CDHR3: variants seen among roughly 807,000 people sequenced by gnomAD.
CDHR3 encodes cadherin related family member 3.
A neutral mutation model predicts 86.6 loss-of-function variants in CDHR3; 79 were observed. That is an observed-to-expected ratio of 0.91 (90% CI 0.76 to 1.10). The LOEUF is 1.10. Ranked by LOEUF, CDHR3 falls within the 50% of genes least tolerant of loss-of-function variation. CDHR3 has a pLI of 0.00. For synonymous variants in CDHR3, 421 were observed against 402.4 expected (o/e 1.05, Z -0.55); for missense variants, 1,081 against 1,077.6 (o/e 1.00, Z -0.04).
At chr7:105,963,427 TGA>T (rs1826343551) in intron 1 of CDHR3, 63 bp downstream of exon 1, 1 of 1,529,460 alleles carries the variant, frequency 6.5e-7, no homozygotes, top group Admixed American at 1.7e-5. Context: ...TACCATTGAA[TGA>T]CAATGTCCCC....
intron 1 of CDHR3, among the ~76,000 whole-genome samples, chr7:105,970,588 G>C (rs3051): frequency 0.27 from 40,313 of 152,058 alleles, 5,969 homozygotes; most frequent in East Asian, 0.67. Context: ...GAAAGTATGC[G>C]GTGTTTTAGG....
rs1838654724 is a variant in CDHR3, at chr7:106,033,459, A to G, written c.*762A>G. 6.6e-6 allele frequency: 1 copy of G among 152,236 alleles called. No individual in the cohort carries two copies. The highest frequency in any genetic ancestry group is 2.4e-5 in the African/African-American group (1 of 41,452). 9.4% of individuals were successfully genotyped at this position (152,236 alleles called of 1,614,324 possible). On this transcript the variant is annotated 3_prime_UTR_variant, in exon 19 of 19. Coordinates refer to ENST00000317716, the MANE Select transcript of CDHR3 (RefSeq NM_152750.5). ...TAAAAAATATACTTAAAAGTGAACT[A>G]CAGGCAGGGCATGATGGCTCATGCC...
intron 15 of CDHR3, 29 bp downstream of exon 15, chr7:106,024,591 C>A: frequency 6.2e-7 from 1 of 1,604,532 alleles, no homozygotes; most frequent in Non-Finnish European, 8.5e-7. Context: ...GGGCCCTCTT[C>A]CCCACCTCCT....
chr7:106,007,760 C>T (rs554156915), intron 8 of CDHR3, among the ~76,000 whole-genome samples: 1 of 152,336 alleles, frequency 6.6e-6, no homozygotes, highest in East Asian at 1.9e-4. Flanking sequence ...TTTAAGCCCA[C>T]CAAACTGTTC....
intron 1 of CDHR3, among the ~76,000 whole-genome samples, chr7:105,966,952 CT>C (rs77398486): frequency 0.18 from 26,330 of 150,020 alleles, 2,427 homozygotes; most frequent in East Asian, 0.28. Flanking sequence ...ACCACAATTA[CT>C]TTTTTTTTTT....
chr7:105,986,588 C>T (rs1216082606), intron 4 of CDHR3, among the ~76,000 whole-genome samples: 1 of 152,116 alleles, frequency 6.6e-6, no homozygotes, highest in African/African-American at 2.4e-5. Flanking sequence ...CCCAAAGACC[C>T]CCAGGGAAAA....
chr7:105,969,963 AAGGTC>A (rs1332821730), intron 1 of CDHR3, among the ~76,000 whole-genome samples: 1 of 152,106 alleles, frequency 6.6e-6, no homozygotes, highest in Non-Finnish European at 1.5e-5. Flanking sequence ...GGACCAGCCT[AAGGTC>A]ACACAGTCAA....
At chr7:106,016,512 G>C (rs1324141768) in intron 11 of CDHR3, among the ~76,000 whole-genome samples, 2 of 151,812 alleles carry the variant, frequency 1.3e-5, no homozygotes, top group Admixed American at 6.6e-5. Flanking sequence ...CTTTTTGCAG[G>C]CTCCTCCCCC....
intron 8 of CDHR3, among the ~76,000 whole-genome samples, chr7:106,008,017 A>G (rs965276362): frequency 3.9e-5 from 6 of 152,230 alleles, no homozygotes; most frequent in African/African-American, 1.4e-4. Context: ...CGTGGATGGC[A>G]GCAGGCAAAG....
chr7:106,021,427 C>T lies in CDHR3; in HGVS notation c.1826-771C>T, dbSNP rs527840242. 2.0e-5 allele frequency among the ~76,000 whole-genome samples: 3 copies of T among 152,268 alleles called. No individual in the cohort carries two copies. In the South Asian group the frequency reaches 6.2e-4, roughly 32 times the overall value. The stretch of plus-strand genomic sequence containing the variant: ...AGATGGAAACAATCCATACTGAGAG[C>T]CCTAAGGCCTTTATGGAGCATTTTG... On this transcript the variant is annotated intron_variant, in intron 13 of 18. Coordinates refer to ENST00000317716, the MANE Select transcript of CDHR3 (RefSeq NM_152750.5).
chr7:106,032,762 G>T lies in CDHR3; in HGVS notation c.*65G>T. 1 of 1,495,334 alleles carries T rather than the reference G, an allele frequency of 6.7e-7. No individual in the cohort carries two copies. The highest frequency in any genetic ancestry group is 9.0e-7 in the Non-Finnish European group (1 of 1,109,368). 92.6% of individuals were successfully genotyped at this position (1,495,334 alleles called of 1,614,324 possible). On this transcript the variant is annotated 3_prime_UTR_variant, in exon 19 of 19. Transcript: ENST00000317716. ...GCCTCACCCTAAATTCTATGGGGAT[G>T]GTGTGGGCATGGTGTAGGGGGGAAA...
intron 2 of CDHR3, among the ~76,000 whole-genome samples, chr7:105,976,942 T>C (rs1828907689): frequency 6.6e-6 from 1 of 152,122 alleles, no homozygotes; most frequent in Admixed American, 6.5e-5. Flanking sequence ...TTCCTTTGAA[T>C]TTGCATAGAG....
At chr7:105,965,325 T>G (rs1452093884) in intron 1 of CDHR3, among the ~76,000 whole-genome samples, 1 of 151,922 alleles carries the variant, frequency 6.6e-6, no homozygotes. Context: ...CAGTAAAAAA[T>G]TAGCAGAGCA....
At chr7:106,028,237 C>A (rs73195673) in intron 16 of CDHR3, among the ~76,000 whole-genome samples, 6,179 of 151,888 alleles carry the variant, frequency 0.041, 174 homozygotes, top group South Asian at 0.13. Context: ...TATCCAATCC[C>A]ATCTTTCTTT....
chr7:106,020,695 C>T (rs1005031698), intron 13 of CDHR3, 151 bp downstream of exon 13: 2 of 409,238 alleles, frequency 4.9e-6, no homozygotes, highest in African/African-American at 4.3e-5. Flanking sequence ...TGCTATGCTG[C>T]CTAGGCTAGT....
intron 16 of CDHR3, chr7:106,027,716 T>A (rs1837582978): frequency 2.2e-6 from 1 of 445,204 alleles, no homozygotes. Context: ...TCTGACATGC[T>A]TAAGGCATGT....
At chr7:105,997,183 T>G (rs902908050) in intron 6 of CDHR3, among the ~76,000 whole-genome samples, 2 of 152,158 alleles carry the variant, frequency 1.3e-5, no homozygotes, top group Admixed American at 6.5e-5. Flanking sequence ...CCATTAGGCC[T>G]CAGAGCTGGG....
At chr7:106,009,369 C>A (rs997069940) in intron 8 of CDHR3, among the ~76,000 whole-genome samples, 1 of 152,188 alleles carries the variant, frequency 6.6e-6, no homozygotes, top group Non-Finnish European at 1.5e-5. Flanking sequence ...GGCTGAGAAG[C>A]CCTGACCTGC....
chr7:106,020,627 T>C, intron 13 of CDHR3, 83 bp downstream of exon 13: 1 of 1,457,308 alleles, frequency 6.9e-7, no homozygotes, highest in Non-Finnish European at 9.3e-7. Flanking sequence ...GCTCACACAC[T>C]GATCTGGGCA....
Sources: allele counts gnomAD v4.1 joint callset (sites outside exome capture counted in the v4.1 genomes callset), GRCh38; gene constraint gnomAD v4.1.1; transcripts MANE v1.5; gene names NCBI Gene and HGNC (gene_info 2026-07-23, HGNC 2026-07-21).